ACVR1: variants seen among roughly 807,000 people sequenced by gnomAD.
The protein encoded by ACVR1 is activin A receptor type 1, also known as activin receptor type-1.
In ACVR1, 38 loss-of-function variants were observed where a neutral mutation model predicts 57.1. The observed-to-expected ratio is 0.67, with a 90% CI of 0.51 to 0.87. The LOEUF (loss-of-function observed/expected upper bound fraction) is 0.87, where lower values mean the gene tolerates loss of function less well. Among genes scored for constraint, ACVR1 ranks in the 40% least tolerant of loss-of-function variants. ACVR1 has a pLI of 0.00. For missense variants in ACVR1, 463 were observed against 638.2 expected (o/e 0.73, Z 2.96); for synonymous variants, 212 against 228.1 (o/e 0.93, Z 0.63).
chr2:157,800,543 A>T (rs1259671099), intron 2 of ACVR1, among the ~76,000 whole-genome samples: 3 of 152,098 alleles, frequency 2.0e-5, no homozygotes, highest in Non-Finnish European at 4.4e-5. Context: ...TACCTCCATC[A>T]TATCTTACCA....
intron 9 of ACVR1, among the ~76,000 whole-genome samples, chr2:157,743,988 G>T (rs1002648134): frequency 7.2e-5 from 11 of 152,140 alleles, no homozygotes; most frequent in African/African-American, 2.7e-4. Flanking sequence ...TACTTTTCAA[G>T]TTCACAGCTA....
intron 1 of ACVR1, among the ~76,000 whole-genome samples, chr2:157,868,677 C>A (rs559883755): frequency 2.0e-5 from 3 of 152,264 alleles, no homozygotes; most frequent in East Asian, 3.9e-4. Context: ...ACAGCCACCT[C>A]CTTAAAGGTG....
chr2:157,798,469 T>C (rs543884104), intron 3 of ACVR1, among the ~76,000 whole-genome samples: 1 of 146,198 alleles, frequency 6.8e-6, no homozygotes, highest in Non-Finnish European at 1.5e-5. Context: ...CATCATGTCT[T>C]CTTGTAGACT....
chr2:157,859,955 G>A (rs1264891118), intron 1 of ACVR1: 1 of 151,652 alleles, frequency 6.6e-6, no homozygotes, highest in Non-Finnish European at 1.5e-5. Flanking sequence ...TAATTGCTTT[G>A]AACAAACTTT....
intron 1 of ACVR1, among the ~76,000 whole-genome samples, chr2:157,865,735 C>T (rs1376752822): frequency 1.4e-5 from 2 of 144,246 alleles, no homozygotes; most frequent in Non-Finnish European, 3.0e-5. Flanking sequence ...GAGGTTGTTG[C>T]AGTGAGCCGA....
In ACVR1 at chr2:157,766,076, C is replaced by T. The variant is rs771301363; in HGVS notation, c.911G>A (p.Ser304Asn). 3.7e-6 allele frequency: 6 copies of T among 1,614,104 alleles called. No individual in the cohort carries two copies. The highest frequency in any genetic ancestry group is 1.7e-5 in the Admixed American group (1 of 60,020). Residue 304 changes from serine to asparagine, a missense_variant, in exon 8 of 11, where the codon AGC (serine) becomes AAC (asparagine). By Grantham distance (46) the Ser-to-Asn change is conservative (BLOSUM62 1). This residue lies in a region of ACVR1 where 114 missense variants were observed against 216.2 expected (regional missense o/e 0.53). Coordinates refer to ENST00000434821, the MANE Select transcript of ACVR1 (RefSeq NM_001111067.4). ...TATGGACAGCACTATTCGAAGGCAG[C>T]TAACTGTATCCAGAGTAGTAAGCTG... is the stretch of plus-strand genomic sequence containing the variant. ...YLQLTTLDTV[S>N]CLRIVLSIAS... is the part of the protein sequence containing the mutation.
intron 1 of ACVR1, among the ~76,000 whole-genome samples, chr2:157,855,335 C>CAT (rs1689491909): frequency 7.3e-6 from 1 of 137,448 alleles, no homozygotes; most frequent in Non-Finnish European, 1.6e-5. Flanking sequence ...CACACACACA[C>CAT]ACACACACAC....
At chr2:157,776,899 A>C (rs1146035) in intron 5 of ACVR1, among the ~76,000 whole-genome samples, 125,819 of 152,296 alleles carry the variant, frequency 0.83, 52,020 homozygotes, top group East Asian at 0.93. Flanking sequence ...CATTAAGTAA[A>C]ACTGAATCAC....
At chr2:157,868,688 T>C (rs1266688743) in intron 1 of ACVR1, among the ~76,000 whole-genome samples, 1 of 152,126 alleles carries the variant, frequency 6.6e-6, no homozygotes, top group Non-Finnish European at 1.5e-5. Flanking sequence ...CTTAAAGGTG[T>C]TGGTTGATCC....
intron 7 of ACVR1, 101 bp downstream of exon 7, chr2:157,770,267 G>A: frequency 2.2e-6 from 3 of 1,340,204 alleles, no homozygotes; most frequent in Non-Finnish European, 3.2e-6. Context: ...TTGCTTTTTA[G>A]GAGACACTCT....
chr2:157,869,760 C>CA (rs1690054862), intron 1 of ACVR1, among the ~76,000 whole-genome samples: 1 of 152,208 alleles, frequency 6.6e-6, no homozygotes, highest in African/African-American at 2.4e-5. Context: ...TTGTTCACAA[C>CA]AACTTGGGTT....
chr2:157,844,508 A>G (rs560704482), intron 1 of ACVR1, among the ~76,000 whole-genome samples: 1 of 152,184 alleles, frequency 6.6e-6, no homozygotes, highest in Non-Finnish European at 1.5e-5. Flanking sequence ...AACAAACAAA[A>G]AAAACTTGGG....
At chr2:157,797,947 C>G (rs895716513) in intron 3 of ACVR1, among the ~76,000 whole-genome samples, 1 of 152,174 alleles carries the variant, frequency 6.6e-6, no homozygotes, top group Non-Finnish European at 1.5e-5. Flanking sequence ...AGAGAAGGTG[C>G]CGTCTATGAG....
chr2:157,792,454 G>A (rs1686952691), intron 3 of ACVR1, among the ~76,000 whole-genome samples: 1 of 152,172 alleles, frequency 6.6e-6, no homozygotes, highest in Non-Finnish European at 1.5e-5. Context: ...AAAGAGAAAG[G>A]ATGGTCAGGC....
rs934929255 is a variant in ACVR1 at position 157,761,191 on chromosome 2, T to C, written c.1067-114A>G. 8.6e-5 allele frequency: 81 copies of C among 942,714 alleles called. 1 individual carries two copies. Among genetic ancestry groups the C allele is most frequent in the Middle Eastern group, 6.2e-4 (2 of 3,224 alleles). 58.4% of individuals were successfully genotyped at this position (942,714 alleles called of 1,614,324 possible). The stretch of plus-strand genomic sequence containing the variant: ...TGCCCTCTTGTGGATCCAGGGTCAC[T>C]GTTGCAATACACTCAGAATGATCCC... On this transcript the variant is annotated intron_variant, in intron 8 of 10. Transcript: ENST00000434821.
chr2:157,762,888 C>T (rs905651022), intron 8 of ACVR1, among the ~76,000 whole-genome samples: 1 of 152,170 alleles, frequency 6.6e-6, no homozygotes, highest in Admixed American at 6.5e-5. Context: ...GTTGGAAACT[C>T]CAGCTCTGGT....
At chr2:157,787,952 C>G (rs1686773751) in intron 3 of ACVR1, among the ~76,000 whole-genome samples, 1 of 152,172 alleles carries the variant, frequency 6.6e-6, no homozygotes, top group Non-Finnish European at 1.5e-5. Flanking sequence ...CCAATCTTAG[C>G]TGTGGTTACC....
At chr2:157,817,661 G>T (rs1420636015) in intron 2 of ACVR1, among the ~76,000 whole-genome samples, 1 of 152,056 alleles carries the variant, frequency 6.6e-6, no homozygotes, top group Non-Finnish European at 1.5e-5. Flanking sequence ...GCTCAATTTT[G>T]CTGTGAACCT....
intron 9 of ACVR1, among the ~76,000 whole-genome samples, chr2:157,758,415 T>C (rs1685514272): frequency 1.3e-5 from 2 of 152,066 alleles, no homozygotes; most frequent in East Asian, 3.8e-4. Context: ...TTTGTTGTTG[T>C]TGTTGTTCAC....
Sources: gnomAD v4.1 joint callset for allele counts (sites outside exome capture counted in the v4.1 genomes callset) on GRCh38, gnomAD v4.1.1 for gene constraint, gnomAD v4.1.1 regional missense constraint, MANE v1.5 for transcripts, NCBI Gene and HGNC (gene_info 2026-07-23, HGNC 2026-07-21) for gene names.